Variants in SEC23A observed in about 807,000 individuals in gnomAD.
SEC23A encodes protein transport protein Sec23A.
SEC23A carries 56 observed loss-of-function variants against 103.7 expected under a neutral mutation model. That is an observed-to-expected ratio of 0.54 (90% CI 0.44 to 0.67). SEC23A has a LOEUF of 0.67. SEC23A is among the 30% of genes least tolerant of loss of function. The probability of loss-of-function intolerance (pLI) is 0.00; values close to 1 mark genes in which losing one functional copy is unlikely to be tolerated. For missense variants in SEC23A, 784 were observed against 936.4 expected (o/e 0.84, Z 2.12); for synonymous variants, 281 against 293.0 (o/e 0.96, Z 0.42).
chr14:39,033,812 T>A (rs1885381050), intron 19 of SEC23A, among the ~76,000 whole-genome samples: 1 of 152,192 alleles, frequency 6.6e-6, no homozygotes, highest in African/African-American at 2.4e-5. Flanking sequence ...TTAGGGAAAA[T>A]TCCTATTATC....
chr14:39,057,875 T>A (rs1443326971), intron 13 of SEC23A, among the ~76,000 whole-genome samples: 1 of 152,230 alleles, frequency 6.6e-6, no homozygotes, highest in East Asian at 1.9e-4. Flanking sequence ...AAGTTTCTCA[T>A]TGGTCTTTCA....
chr14:39,096,255 G>A (rs899857006), intron 1 of SEC23A, 116 bp from the exon 2 acceptor site: 2 of 719,426 alleles, frequency 2.8e-6, no homozygotes, highest in Non-Finnish European at 4.7e-6. Context: ...GACCAGCTGG[G>A]CCCCGTGGCT....
At chr14:39,097,413 C>T (rs1450529915) in intron 1 of SEC23A, among the ~76,000 whole-genome samples, 1 of 152,110 alleles carries the variant, frequency 6.6e-6, no homozygotes, top group Non-Finnish European at 1.5e-5. Context: ...GCCTGGAAAA[C>T]CCAACATGGA....
chr14:39,072,891 T>C (rs556095563), intron 9 of SEC23A, among the ~76,000 whole-genome samples: 1 of 152,310 alleles, frequency 6.6e-6, no homozygotes, highest in Non-Finnish European at 1.5e-5. Flanking sequence ...ACTTTGGTAA[T>C]GGGAATTTAA....
intron 7 of SEC23A, among the ~76,000 whole-genome samples, chr14:39,080,361 G>A (rs562562228): frequency 3.3e-5 from 5 of 152,266 alleles, no homozygotes; most frequent in South Asian, 4.1e-4. Context: ...TAAAAAGATG[G>A]CTGAAATAAA....
At chr14:39,033,466 C>T (rs1257111951) in intron 19 of SEC23A, 138 bp from the exon 20 acceptor site, 12 of 170,558 alleles carry the variant, frequency 7.0e-5, no homozygotes, top group African/African-American at 2.0e-4. Context: ...AACTGGCCTC[C>T]GTCCCTGGTT....
intron 14 of SEC23A, among the ~76,000 whole-genome samples, chr14:39,049,503 G>A (rs866755142): frequency 7.3e-5 from 11 of 151,176 alleles, no homozygotes; most frequent in Middle Eastern, 3.5e-3. Flanking sequence ...TGAGCCAAGT[G>A]TGCTGACTCA....
At chr14:39,084,451 A>T (rs960077231) in intron 7 of SEC23A, among the ~76,000 whole-genome samples, 3 of 152,212 alleles carry the variant, frequency 2.0e-5, no homozygotes, top group African/African-American at 7.2e-5. Flanking sequence ...TCTGTACAGG[A>T]TATATACAAA....
intron 1 of SEC23A, among the ~76,000 whole-genome samples, chr14:39,101,143 C>A (rs1435819990): frequency 1.3e-5 from 2 of 152,214 alleles, no homozygotes; most frequent in East Asian, 3.9e-4. Context: ...CGCACCCAGC[C>A]ACTAGTCTTT....
At chr14:39,034,106 G>A (rs1027801963) in intron 19 of SEC23A, among the ~76,000 whole-genome samples, 4 of 152,144 alleles carry the variant, frequency 2.6e-5, no homozygotes, top group African/African-American at 9.7e-5. Context: ...CTGAATAAAG[G>A]GAAATCAATT....
At position 39,069,152 on chromosome 14, in the gene SEC23A, C is replaced by G. The variant is rs183144384; in HGVS notation, c.1104-1856G>C. Among the ~76,000 whole-genome samples, 5 of 152,286 alleles carry G rather than the reference C, an allele frequency of 3.3e-5. No individual in the cohort carries two copies. In the East Asian group the frequency reaches 7.7e-4, roughly 23 times the overall value. ...AACCTCTATGAAGGAATTGTCCACA[C>G]CCTTACATCTATTTTCCAAATATAT... On this transcript the variant is annotated intron_variant, in intron 9 of 19. Transcript: ENST00000307712.
At chr14:39,037,060 CT>C (rs1293781356) in intron 19 of SEC23A, among the ~76,000 whole-genome samples, 8 of 152,102 alleles carry the variant, frequency 5.3e-5, no homozygotes, top group Admixed American at 5.2e-4. Context: ...TTCTGCCTCT[CT>C]GATAATTCAC....
Position 39,055,277 on chromosome 14 carries a change from G to C in SEC23A, c.1525C>G (p.Gln509Glu), listed in dbSNP as rs1398399095. 12 of 1,614,000 alleles carry C rather than the reference G, an allele frequency of 7.4e-6. No individual in the cohort carries two copies. Among genetic ancestry groups the C allele is most frequent in the Non-Finnish European group, 1.0e-5 (12 of 1,180,028 alleles). The change falls in exon 14 of 20, where the codon CAA becomes GAA. Residue 509 changes from glutamine to glutamate, a missense_variant. This residue lies in a region of SEC23A where 683 missense variants were observed against 774.2 expected (regional missense o/e 0.88). Transcript: ENST00000307712. ...AAAGATGCAGCAATGTTTTGGATTT[G>C]AGTTTGAGCATCTGCCCAGCTGAAG... The part of the protein sequence containing the change: ...IARNWADAQT[Q>E]IQNIAASFDQ...
chr14:39,055,108 T>C, intron 14 of SEC23A, 35 bp downstream of exon 14: 3 of 1,612,916 alleles, frequency 1.9e-6, no homozygotes, highest in Non-Finnish European at 1.7e-6. Context: ...AATGAAAGCA[T>C]ACAGATTTAG....
At chr14:39,098,210 G>A (rs796311397) in intron 1 of SEC23A, among the ~76,000 whole-genome samples, 30 of 152,240 alleles carry the variant, frequency 2.0e-4, no homozygotes, top group African/African-American at 6.5e-4. Context: ...GATATTCAGA[G>A]GAGAGTTAGA....
rs1444604615 is a variant in SEC23A at position 39,076,098 on chromosome 14, T to C, written c.829-5A>G. ...ACCAGTGTTGGGAAAAGTACACTAT[T>C]AAAAAAAAAGTCAAGAGTTTAAAAG... On this transcript the variant is annotated splice_region_variant and splice_polypyrimidine_tract_variant and intron_variant, in intron 7 of 19. Transcript: ENST00000307712. 3 of 1,591,970 alleles carry C rather than the reference T, an allele frequency of 1.9e-6. No homozygotes were observed. The highest frequency in any genetic ancestry group is 2.6e-6 in the Non-Finnish European group (3 of 1,166,106).
chr14:39,102,246 T>A (rs532588798), intron 1 of SEC23A, among the ~76,000 whole-genome samples: 8 of 151,106 alleles, frequency 5.3e-5, no homozygotes, highest in Non-Finnish European at 3.0e-5. Flanking sequence ...AAAAAAAAAA[T>A]AGCTGGACTT....
chr14:39,078,593 T>C (rs1207264005), intron 7 of SEC23A, among the ~76,000 whole-genome samples: 1 of 152,160 alleles, frequency 6.6e-6, no homozygotes, highest in East Asian at 1.9e-4. Flanking sequence ...GAGAAGGGTC[T>C]TTGCATGAAA....
At position 39,095,903 on chromosome 14, in the gene SEC23A, A is replaced by G. The variant is rs2139298184; in HGVS notation, c.216T>C (p.Pro72=). 6.2e-7 allele frequency: 1 copy of G among 1,607,510 alleles called. No individual in the cohort carries two copies. The highest frequency in any genetic ancestry group is 2.2e-5 in the East Asian group (1 of 44,828). Residue 72 remains proline, a synonymous_variant, in exon 2 of 20, where the codon CCT becomes CCC. Transcript: ENST00000307712. ...TTTCTATATATTTTACTTACCATAA[A>G]GGATTCAAAACTGCACGGCAAGTGG... ...SRTTCRAVLN[P]LCQVDYRAKL...
Sources: allele counts gnomAD v4.1 joint callset (sites outside exome capture counted in the v4.1 genomes callset), GRCh38; gene constraint gnomAD v4.1.1; regional missense constraint gnomAD v4.1.1; transcripts MANE v1.5; gene names NCBI Gene and HGNC (gene_info 2026-07-23, HGNC 2026-07-21).